The following TAFA1 variants were observed in gnomAD, a reference collection of about 807,000 sequenced individuals.
TAFA1 encodes the protein chemokine-like protein TAFA-1.
In TAFA1, 4 loss-of-function variants were observed where a neutral mutation model predicts 18.5. The observed-to-expected ratio is 0.22, with a 90% CI of 0.11 to 0.49. The LOEUF is 0.49. TAFA1 is among the 20% of genes least tolerant of loss of function. The pLI, the probability that TAFA1 is intolerant of heterozygous loss-of-function variation, is 0.98. For missense variants in TAFA1, 147 were observed against 169.0 expected (o/e 0.87, Z 0.72); for synonymous variants, 56 against 55.2 (o/e 1.01, Z -0.06).
rs137943823 is a variant in TAFA1 at position 68,046,124 on chromosome 3, C to T, written c.118+39380C>T. ...GCCATATTCCCACTGAGGATACTTA[C>T]TTTTGCAACTGCAGTGTTGGATGGA... On this transcript the variant is annotated intron_variant, in intron 2 of 4. Transcript: ENST00000478136. 2.5e-3 allele frequency among the ~76,000 whole-genome samples: 378 copies of T among 152,248 alleles called. 1 individual carries two copies. Among genetic ancestry groups the T allele is most frequent in the African/African-American group, 8.7e-3 (360 of 41,542 alleles).
At chr3:68,397,954 G>A (rs1480833786) in intron 2 of TAFA1, among the ~76,000 whole-genome samples, 1 of 152,042 alleles carries the variant, frequency 6.6e-6, no homozygotes, top group Non-Finnish European at 1.5e-5. Flanking sequence ...CCATGCCTAT[G>A]TCCTGAATGG....
intron 2 of TAFA1, among the ~76,000 whole-genome samples, chr3:68,129,620 G>C (rs2065513012): frequency 6.6e-6 from 1 of 152,128 alleles, no homozygotes; most frequent in South Asian, 2.1e-4. Flanking sequence ...GTTCTTCAAA[G>C]CATGGATAAT....
At chr3:68,397,890 C>T (rs2070415019) in intron 2 of TAFA1, among the ~76,000 whole-genome samples, 1 of 152,100 alleles carries the variant, frequency 6.6e-6, no homozygotes, top group Admixed American at 6.6e-5. Context: ...ATCAATTTGT[C>T]AATTTTGTCT....
At chr3:68,332,663 G>A (rs1457774002) in intron 2 of TAFA1, among the ~76,000 whole-genome samples, 1 of 152,136 alleles carries the variant, frequency 6.6e-6, no homozygotes, top group African/African-American at 2.4e-5. Context: ...ACAGGTATGT[G>A]GAAAGGTACT....
At chr3:68,142,394 A>G (rs2065677669) in intron 2 of TAFA1, among the ~76,000 whole-genome samples, 1 of 152,198 alleles carries the variant, frequency 6.6e-6, no homozygotes, top group South Asian at 2.1e-4. Flanking sequence ...AACCTTCTGC[A>G]TTAAAGGACG....
In TAFA1 at chr3:68,145,083, C is replaced by G. The variant is rs61731161; in HGVS notation, c.118+138339C>G. 7,828 of 1,491,208 alleles carry G rather than the reference C, an allele frequency of 5.2e-3. 31 individuals are homozygous for G. The highest frequency in any genetic ancestry group is 5.1e-3 in the Non-Finnish European group (5,498 of 1,067,804). The allele number at this position is 1,491,208 out of a possible 1,614,324, so 92.4% of individuals were successfully genotyped here. A position where few individuals can be genotyped will look rare whatever the true frequency, so the allele number is the denominator to read the frequency against. ...CAGTGCGAGAACCAGGAGCTCGAGG[C>G]CCCTGGAGGAATTGCTACACCCCCA... is the stretch of plus-strand genomic sequence containing the variant. On this transcript the variant is annotated intron_variant, in intron 2 of 4. Coordinates refer to ENST00000478136, the MANE Select transcript of TAFA1 (RefSeq NM_213609.4).
intron 2 of TAFA1, among the ~76,000 whole-genome samples, chr3:68,203,133 G>C (rs1396962111): frequency 1.3e-5 from 2 of 150,876 alleles, no homozygotes; most frequent in Non-Finnish European, 3.0e-5. Flanking sequence ...TCTCTTTTTT[G>C]CTTGTGTAGT....
chr3:68,219,961 C>A (rs1046446655), intron 2 of TAFA1, among the ~76,000 whole-genome samples: 2 of 152,122 alleles, frequency 1.3e-5, no homozygotes, highest in Admixed American at 6.6e-5. Flanking sequence ...CCAATAAAAA[C>A]AATTGCTAGA....
intron 2 of TAFA1, among the ~76,000 whole-genome samples, chr3:68,380,910 A>G (rs956941764): frequency 2.7e-5 from 4 of 150,458 alleles, no homozygotes; most frequent in Non-Finnish European, 5.9e-5. Context: ...TAGGTCTAAC[A>G]TGTAAGTCTT....
At chr3:68,207,830 A>AT (rs1262659928) in intron 2 of TAFA1, among the ~76,000 whole-genome samples, 2 of 151,908 alleles carry the variant, frequency 1.3e-5, no homozygotes, top group African/African-American at 4.8e-5. Context: ...TGTTATTCCC[A>AT]TTTTTTGAAA....
chr3:68,243,346 G>A (rs1416858660), intron 2 of TAFA1, among the ~76,000 whole-genome samples: 1 of 151,956 alleles, frequency 6.6e-6, no homozygotes, highest in East Asian at 1.9e-4. Context: ...ATTTGCATGT[G>A]TGTGTGTGTA....
At chr3:68,415,374 A>T (rs939177785) in intron 2 of TAFA1, among the ~76,000 whole-genome samples, 4 of 152,144 alleles carry the variant, frequency 2.6e-5, no homozygotes, top group African/African-American at 9.7e-5. Context: ...AACACAGGAA[A>T]TGTGTAGGGT....
chr3:68,363,898 A>G (rs1243759252), intron 2 of TAFA1, among the ~76,000 whole-genome samples: 1 of 152,060 alleles, frequency 6.6e-6, no homozygotes, highest in Non-Finnish European at 1.5e-5. Context: ...GTTTTTACCC[A>G]TTACCTTACT....
chr3:68,266,177 T>C (rs990281491), intron 2 of TAFA1, among the ~76,000 whole-genome samples: 3 of 152,146 alleles, frequency 2.0e-5, no homozygotes, highest in Non-Finnish European at 4.4e-5. Context: ...TGGAATGTCA[T>C]CTTTCTCATG....
At chr3:68,383,642 TTTG>T (rs1472433384) in intron 2 of TAFA1, among the ~76,000 whole-genome samples, 2 of 152,024 alleles carry the variant, frequency 1.3e-5, no homozygotes, top group African/African-American at 4.8e-5. Context: ...CTGAAGTTTT[TTTG>T]TTGTTGTTGT....
intron 2 of TAFA1, among the ~76,000 whole-genome samples, chr3:68,235,867 C>T (rs1193301626): frequency 1.3e-5 from 2 of 152,066 alleles, no homozygotes; most frequent in African/African-American, 4.8e-5. Flanking sequence ...AAGAGTAGAA[C>T]TGAGATATGG....
At chr3:68,066,224 G>A (rs7426725) in intron 2 of TAFA1, among the ~76,000 whole-genome samples, 6,337 of 152,144 alleles carry the variant, frequency 0.042, 195 homozygotes, top group East Asian at 0.1. Flanking sequence ...TGTCATATAT[G>A]TATGTACACA....
At chr3:68,077,045 T>G (rs1292320145) in intron 2 of TAFA1, among the ~76,000 whole-genome samples, 45 of 151,824 alleles carry the variant, frequency 3.0e-4, no homozygotes, top group African/African-American at 1.1e-3. Context: ...GATTTGCATT[T>G]CTCTGATGGC....
chr3:68,262,355 A>G (rs1242251526), intron 2 of TAFA1, among the ~76,000 whole-genome samples: 30 of 86,746 alleles, frequency 3.5e-4, no homozygotes, highest in African/African-American at 1.3e-3. Flanking sequence ...ATATATATAT[A>G]TATTTCATGG....
Sources: gnomAD v4.1 joint callset for allele counts (sites outside exome capture counted in the v4.1 genomes callset) on GRCh38, gnomAD v4.1.1 for gene constraint, MANE v1.5 for transcripts, NCBI Gene and HGNC (gene_info 2026-07-23, HGNC 2026-07-21) for gene names.